PCDHGA10: variants seen among roughly 807,000 people sequenced by gnomAD.
PCDHGA10 encodes protocadherin gamma-A10.
In PCDHGA10, 42 loss-of-function variants were observed where a neutral mutation model predicts 59.5. The observed-to-expected ratio is 0.71, with a 90% CI of 0.55 to 0.91. The LOEUF is 0.91. Ranked by LOEUF, PCDHGA10 falls within the 40% of genes least tolerant of loss-of-function variation. The probability of loss-of-function intolerance (pLI) is 0.00; values close to 1 mark genes in which losing one functional copy is unlikely to be tolerated. For synonymous variants in PCDHGA10, 511 were observed against 517.2 expected (o/e 0.99, Z 0.16); for missense variants, 1,111 against 1,198.2 (o/e 0.93, Z 1.07).
intron 1 of PCDHGA10, among the ~76,000 whole-genome samples, chr5:141,452,522 A>G (rs924248463): frequency 6.6e-6 from 1 of 152,310 alleles, no homozygotes; most frequent in African/African-American, 2.4e-5. Context: ...CTCCCTCAAA[A>G]TCGTGAGTTC....
At chr5:141,506,609 T>C (rs1375963880) in intron 3 of PCDHGA10, among the ~76,000 whole-genome samples, 1 of 152,184 alleles carries the variant, frequency 6.6e-6, no homozygotes, top group African/African-American at 2.4e-5. Context: ...GATCTCATTG[T>C]GGTGTTACCA....
rs758782567 is a variant in PCDHGA10, at chr5:141,486,792, G to A, written c.2437-8015G>A. ...CAGTTTGAGGTGCAGGCCCGGGATCGGGGCAACCCACCCCTTAGCAGCACT... is the reference window on the plus strand; with the variant it reads ...CAGTTTGAGGTGCAGGCCCGGGATCAGGGCAACCCACCCCTTAGCAGCACT... On this transcript the variant is annotated intron_variant, in intron 1 of 3. Coordinates refer to ENST00000398610, the MANE Select transcript of PCDHGA10 (RefSeq NM_018913.3). This position sits in a 1 kb window ranked among gnomAD's most constrained non-coding sequence, Gnocchi z 5.0. The A allele has an allele frequency of 3.7e-5, 59 of 1,614,094 alleles. No homozygotes were observed. The Middle Eastern group carries it at 4.9e-4, about 13-fold the overall frequency.
intron 1 of PCDHGA10, among the ~76,000 whole-genome samples, chr5:141,457,632 G>A (rs919693977): frequency 6.6e-6 from 1 of 152,142 alleles, no homozygotes; most frequent in African/African-American, 2.4e-5. Flanking sequence ...CTTATACTTG[G>A]CCTGATTATT....
chr5:141,444,902 G>A (rs1442325957), intron 1 of PCDHGA10, among the ~76,000 whole-genome samples: 1 of 152,160 alleles, frequency 6.6e-6, no homozygotes, highest in Non-Finnish European at 1.5e-5. Context: ...GGATGGCATT[G>A]CATCTATACC....
Position 141,486,595 on chromosome 5 carries a change from T to G in PCDHGA10, c.2437-8212T>G. ...AGAACAATCGCCCAGGGGACCTGCTTTGCTCCCTTGCAGCCTCTGACCCAG... is the reference window on the plus strand; with the variant it reads ...AGAACAATCGCCCAGGGGACCTGCTGTGCTCCCTTGCAGCCTCTGACCCAG... On this transcript the variant is annotated intron_variant, in intron 1 of 3. Coordinates refer to ENST00000398610, the MANE Select transcript of PCDHGA10 (RefSeq NM_018913.3). This position sits in a 1 kb window ranked among gnomAD's most constrained non-coding sequence, Gnocchi z 5.0. The G allele has an allele frequency of 6.2e-7, 1 of 1,613,614 alleles. No homozygotes were observed. Among genetic ancestry groups the G allele is most frequent in the Non-Finnish European group, 8.5e-7 (1 of 1,180,016 alleles).
intron 1 of PCDHGA10, chr5:141,423,309 G>T (rs1401836240): frequency 6.2e-7 from 1 of 1,614,176 alleles, no homozygotes; most frequent in South Asian, 1.1e-5. Context: ...CGCTGTACTT[G>T]GTGGTGGCGG....
intron 1 of PCDHGA10, among the ~76,000 whole-genome samples, chr5:141,462,559 T>G (rs1035231534): frequency 6.6e-6 from 1 of 152,248 alleles, no homozygotes; most frequent in African/African-American, 2.4e-5. Flanking sequence ...CAGTGTTTAC[T>G]GTATTTGCTA....
At position 141,491,422 on chromosome 5, in the gene PCDHGA10, G is replaced by T. The variant is rs1413549196; in HGVS notation, c.2437-3385G>T. 1 of 1,614,112 alleles carries T rather than the reference G, an allele frequency of 6.2e-7. No homozygotes were observed. The stretch of plus-strand genomic sequence containing the variant: ...AAACGCAGACGGGGACGGGGGTGGA[G>T]GGCAGTGCTGCAGGCGCCAGGACTC... On this transcript the variant is annotated intron_variant, in intron 1 of 3. Coordinates refer to ENST00000398610, the MANE Select transcript of PCDHGA10 (RefSeq NM_018913.3). The surrounding 1 kb of genome is among the most constrained non-coding windows in gnomAD (Gnocchi z 6.9).
At chr5:141,427,858 C>T in intron 1 of PCDHGA10, 1 of 1,555,500 alleles carries the variant, frequency 6.4e-7, no homozygotes, top group South Asian at 1.1e-5. Context: ...CAGCTGTGCG[C>T]CTTCGAGCTC....
At position 141,493,906 on chromosome 5, in the gene PCDHGA10, G is replaced by A. The variant is rs2099750764; in HGVS notation, c.2437-901G>A. ...CTCTAGGAGTGCTCCATGAGAGTGT[G>A]TGATGGGATAACACACCCCCTGGAA... is the stretch of plus-strand genomic sequence containing the variant. On this transcript the variant is annotated intron_variant, in intron 1 of 3. Transcript: ENST00000398610. The surrounding 1 kb of genome is among the most constrained non-coding windows in gnomAD (Gnocchi z 4.3). Among the ~76,000 whole-genome samples the A allele has an allele frequency of 6.6e-6, 1 of 152,200 alleles. No individual in the cohort carries two copies. Among genetic ancestry groups the A allele is most frequent in the Non-Finnish European group, 1.5e-5 (1 of 68,032 alleles).
In PCDHGA10 at chr5:141,414,129, C is replaced by A. The variant is rs1487550233; in HGVS notation, c.954C>A (p.Phe318Leu). The A allele has an allele frequency of 1.9e-6, 3 of 1,594,152 alleles. No homozygotes were observed. In the Admixed American group the frequency reaches 5.3e-5, roughly 28 times the overall value. The part of the protein sequence containing the change: ...SENLDYEETG[F>L]YEIEIQAEDG... ...ATCTAGATTATGAAGAAACCGGTTT[C>A]TATGAAATAGAAATACAAGCAGAAG... Residue 318 changes from phenylalanine (F) to leucine (L), a missense_variant, in exon 1 of 4, where the codon TTC becomes TTA. Phe to Leu is a conservative substitution (Grantham distance 22, BLOSUM62 0). Coordinates refer to ENST00000398610, the MANE Select transcript of PCDHGA10 (RefSeq NM_018913.3).
In PCDHGA10 at chr5:141,413,694, C is replaced by G. The variant is rs2095667651; in HGVS notation, c.519C>G (p.Ser173Arg). ...ATGTGGGCGTGAACTCCCTGCAGAGCTATCAGCTCAGCCCCAATAAGCACT... is the reference window on the plus strand; with the variant it reads ...ATGTGGGCGTGAACTCCCTGCAGAGGTATCAGCTCAGCCCCAATAAGCACT... Reference protein sequence around the residue: ...DPDVGVNSLQSYQLSPNKHFS... With the variant: ...DPDVGVNSLQRYQLSPNKHFS... The change falls in exon 1 of 4, where the codon AGC becomes AGG. Residue 173 changes from serine to arginine, a missense_variant. Transcript: ENST00000398610. 2 of 1,613,800 alleles carry G rather than the reference C, an allele frequency of 1.2e-6. No individual in the cohort carries two copies. Among genetic ancestry groups the G allele is most frequent in the East Asian group, 4.5e-5 (2 of 44,874 alleles).
At position 141,415,282 on chromosome 5, in the gene PCDHGA10, G is replaced by A; in HGVS notation, c.2107G>A (p.Ala703Thr). The A allele has an allele frequency of 6.2e-7, 1 of 1,614,224 alleles. No homozygotes were observed. The highest frequency in any genetic ancestry group is 8.5e-7 in the Non-Finnish European group (1 of 1,180,034). ...LTLYLVVAVAAVSCVFLAFVI... is the reference protein window; with the variant it reads ...LTLYLVVAVATVSCVFLAFVI... ...TCTGTACCTGGTGGTAGCGGTGGCC[G>A]CGGTCTCCTGCGTCTTCCTGGCCTT... The change falls in exon 1 of 4, where the codon GCG becomes ACG. Residue 703 changes from alanine (A) to threonine (T), a missense_variant. Transcript: ENST00000398610.
At chr5:141,438,649 CACAT>C (rs2098044358) in intron 1 of PCDHGA10, among the ~76,000 whole-genome samples, 1 of 100,976 alleles carries the variant, frequency 9.9e-6, no homozygotes, top group Non-Finnish European at 2.0e-5. Context: ...CACACACACA[CACAT>C]ATATGTATAT....
At chr5:141,430,252 A>C (rs1292590200) in intron 1 of PCDHGA10, among the ~76,000 whole-genome samples, 1 of 102,244 alleles carries the variant, frequency 9.8e-6, no homozygotes, top group Admixed American at 1.0e-4. Context: ...CTAGGGAGAC[A>C]TCTCCATAAT....
rs778172652 is a variant in PCDHGA10, at chr5:141,418,978, C to G, written c.2436+3367C>G. 4 of 1,613,790 alleles carry G rather than the reference C, an allele frequency of 2.5e-6. No individual in the cohort carries two copies. In the South Asian group the frequency reaches 4.4e-5, roughly 18 times the overall value. ...TTGTTGCCCTCTTCAAAACACGGGACCAAGACTCAGGGGAAAATGGGGAAG... is the reference window on the plus strand; with the variant it reads ...TTGTTGCCCTCTTCAAAACACGGGAGCAAGACTCAGGGGAAAATGGGGAAG... On this transcript the variant is annotated intron_variant, in intron 1 of 3. Coordinates refer to ENST00000398610, the MANE Select transcript of PCDHGA10 (RefSeq NM_018913.3).
At position 141,490,521 on chromosome 5, in the gene PCDHGA10, C is replaced by T. The variant is rs146064810; in HGVS notation, c.2437-4286C>T. The stretch of plus-strand genomic sequence containing the variant: ...ACTATATCATCGAGCTGCTGGCCAG[C>T]GATGCTGGTTCACCTTCCCTACACA... On this transcript the variant is annotated intron_variant, in intron 1 of 3. Coordinates refer to ENST00000398610, the MANE Select transcript of PCDHGA10 (RefSeq NM_018913.3). This position sits in a 1 kb window ranked among gnomAD's most constrained non-coding sequence, Gnocchi z 5.4. The T allele has an allele frequency of 1.0e-4, 166 of 1,614,058 alleles. No individual in the cohort carries two copies. In the African/African-American group the frequency reaches 1.7e-3, roughly 16 times the overall value.
chr5:141,461,655 ATTTTAAAG>A (rs2099019832), intron 1 of PCDHGA10, among the ~76,000 whole-genome samples: 1 of 152,022 alleles, frequency 6.6e-6, no homozygotes, highest in African/African-American at 2.4e-5. Flanking sequence ...CCCATGGATT[ATTTTAAAG>A]TTTGTTATTT....
Position 141,476,646 on chromosome 5 carries a change from A to G in PCDHGA10, c.2437-18161A>G, listed in dbSNP as rs771366262. 1.9e-6 allele frequency: 3 copies of G among 1,614,132 alleles called. No homozygotes were observed. The highest frequency in any genetic ancestry group is 1.7e-5 in the Admixed American group (1 of 60,010). ...TTACAAACCTATGAGCTGAGCCGAA[A>G]TGAATACTTTGCGCTTCGCGTGCAG... On this transcript the variant is annotated intron_variant, in intron 1 of 3. Transcript: ENST00000398610. This position sits in a 1 kb window ranked among gnomAD's most constrained non-coding sequence, Gnocchi z 7.6.
Sources: gnomAD v4.1 joint callset for allele counts (sites outside exome capture counted in the v4.1 genomes callset) on GRCh38, gnomAD v4.1.1 for gene constraint, Gnocchi (gnomAD v3.1) non-coding constraint, MANE v1.5 for transcripts, NCBI Gene and HGNC (gene_info 2026-07-23, HGNC 2026-07-21) for gene names.